The following SDS variants were observed in gnomAD, a reference collection of about 807,000 sequenced individuals.
The protein encoded by SDS is serine dehydratase.
SDS carries 19 observed loss-of-function variants against 29.3 expected under a neutral mutation model. That is an observed-to-expected ratio of 0.65 (90% CI 0.45 to 0.95). The LOEUF (loss-of-function observed/expected upper bound fraction) is 0.95, where lower values mean the gene tolerates loss of function less well. Among genes scored for constraint, SDS ranks in the 40% least tolerant of loss-of-function variants. The pLI is 0.00. For missense variants in SDS, 375 were observed against 439.9 expected (o/e 0.85, Z 1.32); for synonymous variants, 176 against 189.0 (o/e 0.93, Z 0.56).
intron 6 of SDS, among the ~76,000 whole-genome samples, chr12:113,394,621 T>A (rs1242363259): frequency 6.6e-6 from 1 of 152,162 alleles, no homozygotes; most frequent in Non-Finnish European, 1.5e-5. Context: ...ATTACAGGCA[T>A]GAGCCACCAT....
At chr12:113,401,728 G>C (rs1957685672) in intron 1 of SDS, among the ~76,000 whole-genome samples, 1 of 152,186 alleles carries the variant, frequency 6.6e-6, no homozygotes, top group African/African-American at 2.4e-5. Flanking sequence ...GATGGGCTCT[G>C]GGGGATGAAG....
rs772864716 is a variant in SDS at position 113,393,141 on chromosome 12, TCTC to T, written c.784_786del (p.Glu262del). On this transcript the variant is annotated inframe_deletion, in exon 8 of 8. Transcript: ENST00000257549. Reference sequence around the variant, plus strand: ...CCGCAGGCGGGCTCCACCAGGATCTTCTCATCATCTGCCAGAGAAGGGGCGTGA... The same window carrying T: ...CCGCAGGCGGGCTCCACCAGGATCTTATCATCTGCCAGAGAAGGGGCGTGA... 1.3e-4 allele frequency: 205 copies of T among 1,613,616 alleles called. No homozygotes were observed. The highest frequency in any genetic ancestry group is 1.8e-4 in the South Asian group (16 of 91,062).
intron 1 of SDS, 133 bp from the exon 2 acceptor site, chr12:113,399,843 G>T: frequency 1.1e-6 from 1 of 874,880 alleles, no homozygotes; most frequent in Non-Finnish European, 1.6e-6. Flanking sequence ...GGAGACCTGG[G>T]CTCTAATCGC....
intron 1 of SDS, 70 bp from the exon 2 acceptor site, chr12:113,399,780 CCTTCCTTCG>C: frequency 7.3e-7 from 1 of 1,361,966 alleles, no homozygotes; most frequent in South Asian, 1.6e-5. Flanking sequence ...CAGAGTGATC[CCTTCCTTCG>C]CTTCCCAGCA....
At chr12:113,393,741 T>C in intron 7 of SDS, 151 bp downstream of exon 7, 2 of 997,944 alleles carry the variant, frequency 2.0e-6, no homozygotes, top group South Asian at 3.3e-5. Flanking sequence ...GGCATTGTAT[T>C]ATCTTCTATT....
rs1357214322 is a variant in SDS, at chr12:113,399,725, G to T, written c.-2-15C>A. On this transcript the variant is annotated splice_polypyrimidine_tract_variant and intron_variant, in intron 1 of 7. Transcript: ENST00000257549. ...AGACATCATTCCTGGGAGAAAGGAAGGAAACCCAGAGGGTTAGGAGAGCTA... is the reference window on the plus strand; with the variant it reads ...AGACATCATTCCTGGGAGAAAGGAATGAAACCCAGAGGGTTAGGAGAGCTA... 4 of 1,553,056 alleles carry T rather than the reference G, an allele frequency of 2.6e-6. No individual in the cohort carries two copies. In the African/African-American group the frequency reaches 5.4e-5, roughly 21 times the overall value.
intron 1 of SDS, among the ~76,000 whole-genome samples, chr12:113,400,612 C>T (rs1957679329): frequency 6.6e-6 from 1 of 152,126 alleles, no homozygotes; most frequent in Non-Finnish European, 1.5e-5. Flanking sequence ...CACACACGCA[C>T]AATCCATCCA....
In SDS at chr12:113,394,347, T is replaced by G. The variant is rs374596261; in HGVS notation, c.654-331A>C. 2.1e-4 allele frequency among the ~76,000 whole-genome samples: 32 copies of G among 150,784 alleles called. 1 individual carries two copies. The highest frequency in any genetic ancestry group is 8.4e-4 in the South Asian group (4 of 4,784). On this transcript the variant is annotated intron_variant, in intron 6 of 7. Transcript: ENST00000257549. ...TTGTTTTTTTGTTGTTTTTTTGTTT[T>G]TTTTTTTTTTTAGACGGAGTCTTGC...
rs75742853 is a variant in SDS at position 113,392,965 on chromosome 12, G to A, written c.963C>T (p.Gly321=). The A allele has an allele frequency of 1.4e-4, 228 of 1,614,162 alleles. No individual in the cohort carries two copies. The African/African-American group carries it at 2.9e-3, about 20-fold the overall frequency. ...AQLRALKEQL[G]MTNRLPK is the part of the protein sequence containing the mutation. The stretch of plus-strand genomic sequence containing the variant: ...CTCACTTGGGCAACCTATTTGTCAT[G>A]CCCAGCTGTTCCTTGAGCGCCCGCA... Residue 321 remains glycine, a synonymous_variant, in exon 8 of 8, where the codon GGC becomes GGT. Coordinates refer to ENST00000257549, the MANE Select transcript of SDS (RefSeq NM_006843.3).
rs748192440 is a variant in SDS at position 113,398,827 on chromosome 12, C to T, written c.213G>A (p.Ala71=). ...VCSSAGNAGM[A]AAYAARQLGV... ...CGAGTTGCCTGGCCGCATATGCAGC[C>T]GCCATGCCTGCGTTGCCCGCTGCCA... Residue 71 remains alanine (A), a synonymous_variant, in exon 4 of 8, where the codon GCG becomes GCA. Coordinates refer to ENST00000257549, the MANE Select transcript of SDS (RefSeq NM_006843.3). The T allele has an allele frequency of 3.2e-5, 52 of 1,608,674 alleles. No homozygotes were observed. The highest frequency in any genetic ancestry group is 9.9e-5 in the South Asian group (9 of 90,486).
In SDS at chr12:113,403,197, G is replaced by T. The variant is rs1164575951; in HGVS notation, c.-3+571C>A. Among the ~76,000 whole-genome samples, 3 of 152,094 alleles carry T rather than the reference G, an allele frequency of 2.0e-5. No homozygotes were observed. In the East Asian group the frequency reaches 5.8e-4, roughly 29 times the overall value. ...GCTGGAGTGCAGGGGCGCAATAATT[G>T]CTCACTGCAGACTCGACCTCTTGGG... On this transcript the variant is annotated intron_variant, in intron 1 of 7. Transcript: ENST00000257549.
intron 5 of SDS, 123 bp from the exon 6 acceptor site, chr12:113,397,515 C>G (rs1957655255): frequency 1.3e-6 from 1 of 791,792 alleles, no homozygotes. Context: ...CACCCCCAAC[C>G]TTGGCTTCTA....
At chr12:113,400,620 C>CCA (rs1333549722) in intron 1 of SDS, among the ~76,000 whole-genome samples, 1 of 152,012 alleles carries the variant, frequency 6.6e-6, no homozygotes, top group African/African-American at 2.4e-5. Flanking sequence ...CACAATCCAT[C>CCA]CACACACACA....
rs746405129 is a variant in SDS at position 113,392,894 on chromosome 12, A to AG, written c.*46dup. On this transcript the variant is annotated 3_prime_UTR_variant, in exon 8 of 8. Transcript: ENST00000257549. ...CGCTGGATAAAACTCCAGCCCCTCC[A>AG]GGGGTCTCTTGGGCTAGGAGAGCAC... is the stretch of plus-strand genomic sequence containing the variant. 3 of 1,565,118 alleles carry AG rather than the reference A, an allele frequency of 1.9e-6. 1 individual carries two copies. Among genetic ancestry groups the AG allele is most frequent in the East Asian group, 4.5e-5 (2 of 44,672 alleles).
At chr12:113,395,547 C>T (rs1957639101) in intron 6 of SDS, among the ~76,000 whole-genome samples, 1 of 152,156 alleles carries the variant, frequency 6.6e-6, no homozygotes, top group Non-Finnish European at 1.5e-5. Context: ...AAGTTCAGGC[C>T]AACGAAAGGT....
At chr12:113,396,623 C>T (rs1337730064) in intron 6 of SDS, 1 of 139,966 alleles carries the variant, frequency 7.1e-6, no homozygotes, top group Non-Finnish European at 1.5e-5. Flanking sequence ...CCCTCCCTCC[C>T]TCTCTCCCTT....
chr12:113,398,882 G>A, intron 3 of SDS, 36 bp from the exon 4 acceptor site: 2 of 1,564,568 alleles, frequency 1.3e-6, no homozygotes, highest in Non-Finnish European at 1.7e-6. Flanking sequence ...TGTCAGTGCG[G>A]GAGCATCTGG....
chr12:113,401,751 C>T (rs1957685768), intron 1 of SDS, among the ~76,000 whole-genome samples: 1 of 152,120 alleles, frequency 6.6e-6, no homozygotes. Flanking sequence ...GCTGGGGTGG[C>T]CCGGGGTCTA....
intron 1 of SDS, among the ~76,000 whole-genome samples, chr12:113,403,300 TC>T (rs1957696227): frequency 1.3e-5 from 2 of 151,896 alleles, no homozygotes; most frequent in African/African-American, 4.8e-5. Flanking sequence ...CTAATTAAAT[TC>T]TTTTTTTAGG....
Sources: allele counts gnomAD v4.1 joint callset (sites outside exome capture counted in the v4.1 genomes callset), GRCh38; gene constraint gnomAD v4.1.1; transcripts MANE v1.5; gene names NCBI Gene and HGNC (gene_info 2026-07-23, HGNC 2026-07-21).